GAD2: variants seen among roughly 807,000 people sequenced by gnomAD.
The protein encoded by GAD2 is 65 kDa glutamic acid decarboxylase.
A neutral mutation model predicts 80.1 loss-of-function variants in GAD2; 22 were observed. The observed-to-expected ratio is 0.27, with a 90% CI of 0.20 to 0.39. GAD2 has a LOEUF of 0.39. Among genes scored for constraint, GAD2 ranks in the 10% least tolerant of loss-of-function variants. GAD2 has a pLI of 1.00. For missense variants in GAD2, 624 were observed against 738.4 expected (o/e 0.85, Z 1.80); for synonymous variants, 274 against 256.9 (o/e 1.07, Z -0.64).
rs866053051 is a variant in GAD2 at position 26,245,514 on chromosome 10, T to G, written c.841-407T>G. On this transcript the variant is annotated intron_variant, in intron 7 of 15. Transcript: ENST00000376261. ...GTGCAATGGCGCAATCTTGGCTCAC[T>G]GCAACCTCCGCCTCCCGAATTCAAG... Among the ~76,000 whole-genome samples, 17 of 152,044 alleles carry G rather than the reference T, an allele frequency of 1.1e-4. No homozygotes were observed. In the South Asian group the frequency reaches 3.1e-3, roughly 28 times the overall value.
intron 11 of GAD2, among the ~76,000 whole-genome samples, chr10:26,275,856 T>A (rs552853934): frequency 3.9e-5 from 6 of 152,266 alleles, no homozygotes; most frequent in Non-Finnish European, 7.4e-5. Context: ...CTGAATGCCA[T>A]TCTCATACAA....
chr10:26,256,953 T>G (rs1844950245), intron 8 of GAD2, among the ~76,000 whole-genome samples: 1 of 152,222 alleles, frequency 6.6e-6, no homozygotes. Flanking sequence ...AACAGTAATT[T>G]TCTAACTCCG....
At position 26,286,431 on chromosome 10, in the gene GAD2, C is replaced by T. The variant is rs993750142; in HGVS notation, c.1323C>T (p.Asp441=). ...ATGACCTGTCCTATGACACTGGAGACAAGGCCTTACAGTGCGGACGCCACG... is the reference window on the plus strand; with the variant it reads ...ATGACCTGTCCTATGACACTGGAGATAAGGCCTTACAGTGCGGACGCCACG... The part of the protein sequence containing the change: ...KHYDLSYDTG[D]KALQCGRHVD... Residue 441 remains aspartate (D), a synonymous_variant, in exon 13 of 16, where the codon GAC becomes GAT. Transcript: ENST00000376261. The T allele has an allele frequency of 1.2e-6, 2 of 1,614,016 alleles. No individual in the cohort carries two copies. Among genetic ancestry groups the T allele is most frequent in the Non-Finnish European group, 1.7e-6 (2 of 1,179,922 alleles).
chr10:26,290,933 C>T (rs1456918100), intron 13 of GAD2, among the ~76,000 whole-genome samples: 1 of 152,176 alleles, frequency 6.6e-6, no homozygotes, highest in Non-Finnish European at 1.5e-5. Flanking sequence ...TCTTTAGCCC[C>T]CAACTAAAGG....
rs895672996 is a variant in GAD2, at chr10:26,298,164, G to A, written c.1585-2624G>A. ...CAGGGTAAGGAGGGGGTCTCATAGCGCCTATTGTTAGGGAATTTCAATCAT... is the reference window on the plus strand; with the variant it reads ...CAGGGTAAGGAGGGGGTCTCATAGCACCTATTGTTAGGGAATTTCAATCAT... On this transcript the variant is annotated intron_variant, in intron 15 of 15. Transcript: ENST00000376261. 3.3e-5 allele frequency among the ~76,000 whole-genome samples: 5 copies of A among 152,130 alleles called. 1 individual carries two copies. The South Asian group carries it at 6.2e-4, about 19-fold the overall frequency.
intron 7 of GAD2, among the ~76,000 whole-genome samples, chr10:26,231,657 T>C (rs1844602869): frequency 6.6e-6 from 1 of 152,190 alleles, no homozygotes; most frequent in Non-Finnish European, 1.5e-5. Context: ...CTTTGTGGCT[T>C]ACAACAATAT....
At chr10:26,292,869 G>T in intron 14 of GAD2, 33 bp from the exon 15 acceptor site, 1 of 1,576,754 alleles carries the variant, frequency 6.3e-7, no homozygotes, top group Non-Finnish European at 8.7e-7. Context: ...TGCCAGCCTG[G>T]GCCAAATGTG....
At position 26,249,732 on chromosome 10, in the gene GAD2, C is replaced by G. The variant is rs187362181; in HGVS notation, c.920+3732C>G. Reference sequence around the variant, plus strand: ...TGAGTCCACCAGGCCAGCTAGGCGGCTCATCATGGGAACAAGGGGCCTGCC... The same window carrying G: ...TGAGTCCACCAGGCCAGCTAGGCGGGTCATCATGGGAACAAGGGGCCTGCC... On this transcript the variant is annotated intron_variant, in intron 8 of 15. Coordinates refer to ENST00000376261, the MANE Select transcript of GAD2 (RefSeq NM_001134366.2). Among the ~76,000 whole-genome samples, 419 of 152,340 alleles carry G rather than the reference C, an allele frequency of 2.8e-3. 4 individuals are homozygous for G. Among genetic ancestry groups the G allele is most frequent in the African/African-American group, 9.7e-3 (404 of 41,582 alleles).
chr10:26,234,519 A>G (rs1315635052), intron 7 of GAD2, among the ~76,000 whole-genome samples: 2 of 152,182 alleles, frequency 1.3e-5, no homozygotes, highest in African/African-American at 4.8e-5. Flanking sequence ...AGTGTATTTT[A>G]TTGAATTGAA....
chr10:26,262,195 A>G (rs1845016700), intron 8 of GAD2, among the ~76,000 whole-genome samples: 1 of 151,366 alleles, frequency 6.6e-6, no homozygotes, highest in Admixed American at 6.6e-5. Flanking sequence ...GCTAAAATTT[A>G]CTATCTGGGC....
chr10:26,232,835 C>T (rs1022097178), intron 7 of GAD2, among the ~76,000 whole-genome samples: 4 of 152,040 alleles, frequency 2.6e-5, no homozygotes, highest in African/African-American at 4.8e-5. Context: ...AAACACAATT[C>T]GGCCGTATAA....
chr10:26,275,089 G>T (rs186003360), intron 11 of GAD2, among the ~76,000 whole-genome samples: 10 of 152,320 alleles, frequency 6.6e-5, no homozygotes, highest in African/African-American at 2.4e-4. Context: ...TTGAAGATCT[G>T]CAAGAAAGCA....
intron 15 of GAD2, among the ~76,000 whole-genome samples, chr10:26,298,862 T>C (rs192414212): frequency 1.6e-4 from 25 of 152,358 alleles, no homozygotes; most frequent in African/African-American, 5.5e-4. Flanking sequence ...TTGGCTGGAA[T>C]ATGCTAGTAG....
chr10:26,269,245 G>A (rs1845106076), intron 9 of GAD2, 72 bp downstream of exon 9: 10 of 1,320,594 alleles, frequency 7.6e-6, no homozygotes, highest in Admixed American at 2.2e-5. Context: ...AATGTGTTTT[G>A]GTTTTATTTT....
At chr10:26,221,282 C>T (rs903694600) in intron 4 of GAD2, among the ~76,000 whole-genome samples, 2 of 152,212 alleles carry the variant, frequency 1.3e-5, no homozygotes, top group African/African-American at 4.8e-5. Context: ...CTTGTTTCTA[C>T]TGAGAGACCT....
intron 12 of GAD2, among the ~76,000 whole-genome samples, chr10:26,283,689 C>A (rs1241484493): frequency 6.6e-6 from 1 of 151,916 alleles, no homozygotes; most frequent in East Asian, 1.9e-4. Flanking sequence ...ACTGTGGGGA[C>A]CATTTGGTAA....
At chr10:26,263,717 T>A (rs1030067893) in intron 8 of GAD2, among the ~76,000 whole-genome samples, 2 of 152,034 alleles carry the variant, frequency 1.3e-5, no homozygotes, top group Admixed American at 6.5e-5. Flanking sequence ...AACTAGCAGG[T>A]TTTTTTTACT....
At chr10:26,228,946 T>C (rs889817213) in intron 6 of GAD2, among the ~76,000 whole-genome samples, 3 of 152,196 alleles carry the variant, frequency 2.0e-5, no homozygotes, top group East Asian at 1.9e-4. Flanking sequence ...TCCTAGCACT[T>C]TGGGAGGCCG....
intron 8 of GAD2, among the ~76,000 whole-genome samples, chr10:26,264,032 G>T (rs569312948): frequency 6.6e-6 from 1 of 152,248 alleles, no homozygotes; most frequent in African/African-American, 2.4e-5. Context: ...GTGACATTCT[G>T]CAAGTCATAT....
Sources: allele counts gnomAD v4.1 joint callset (sites outside exome capture counted in the v4.1 genomes callset), GRCh38; gene constraint gnomAD v4.1.1; transcripts MANE v1.5; gene names NCBI Gene and HGNC (gene_info 2026-07-23, HGNC 2026-07-21).